Variants in TMEM232 observed in about 807,000 individuals in gnomAD.
TMEM232 encodes the protein transmembrane protein 232.
Under a neutral mutation model 78.8 loss-of-function variants are expected in TMEM232, and 80 were observed. The observed-to-expected ratio is 1.01, with a 90% CI of 0.85 to 1.22. The LOEUF is 1.22. Ranked by LOEUF, TMEM232 falls within the 50% of genes most tolerant of loss-of-function variation. TMEM232 has a pLI of 0.00. For missense variants in TMEM232, 881 were observed against 742.2 expected (o/e 1.19, Z -2.17); for synonymous variants, 297 against 254.3 (o/e 1.17, Z -1.60).
intron 2 of TMEM232, among the ~76,000 whole-genome samples, chr5:110,646,451 G>A (rs1263742359): frequency 1.3e-5 from 2 of 151,630 alleles, no homozygotes; most frequent in African/African-American, 2.4e-5. Context: ...CTTTGACATG[G>A]GTTGAAAGAA....
intron 12 of TMEM232, among the ~76,000 whole-genome samples, chr5:110,467,261 C>CTTTTCT (rs1039106953): frequency 1.3e-5 from 2 of 152,122 alleles, no homozygotes; most frequent in Admixed American, 1.3e-4. Context: ...CCCTAGGATA[C>CTTTTCT]TTTTCTCCAT....
At chr5:110,590,618 CA>C (rs1312695381) in intron 10 of TMEM232, among the ~76,000 whole-genome samples, 5 of 151,862 alleles carry the variant, frequency 3.3e-5, no homozygotes, top group African/African-American at 9.7e-5. Context: ...TCTCTGGTGC[CA>C]AAAAAGTTGG....
chr5:110,607,852 A>G (rs919058927), intron 8 of TMEM232, among the ~76,000 whole-genome samples: 1 of 151,924 alleles, frequency 6.6e-6, no homozygotes, highest in Non-Finnish European at 1.5e-5. Context: ...ATTCCATGAT[A>G]CCATAAGGCA....
intron 1 of TMEM232, among the ~76,000 whole-genome samples, chr5:110,669,494 C>T (rs548887420): frequency 3.8e-4 from 58 of 152,076 alleles, no homozygotes; most frequent in Non-Finnish European, 4.9e-4. Flanking sequence ...ATTAATAGCT[C>T]ACCAACCAAA....
intron 2 of TMEM232, among the ~76,000 whole-genome samples, chr5:110,733,403 T>G (rs571945587): frequency 1.3e-5 from 2 of 152,172 alleles, no homozygotes; most frequent in African/African-American, 4.8e-5. Flanking sequence ...GGTATGTTCA[T>G]TGCACCACTA....
At chr5:110,717,601 GCT>G (rs748493639) in intron 1 of TMEM232, among the ~76,000 whole-genome samples, 102 of 152,170 alleles carry the variant, frequency 6.7e-4, no homozygotes, top group Non-Finnish European at 1.2e-3. Flanking sequence ...ATATGATTTG[GCT>G]CTGTCCCCAC....
intron 12 of TMEM232, among the ~76,000 whole-genome samples, chr5:110,453,284 G>A (rs80273289): frequency 0.014 from 2,167 of 151,976 alleles, 54 homozygotes; most frequent in African/African-American, 0.049. Context: ...AATTTCTACC[G>A]CATACTTTTT....
At chr5:110,515,330 T>C (rs942489297) in intron 12 of TMEM232, among the ~76,000 whole-genome samples, 1 of 152,194 alleles carries the variant, frequency 6.6e-6, no homozygotes, top group Non-Finnish European at 1.5e-5. Flanking sequence ...TAAACCCAAC[T>C]TCCCAATGAT....
chr5:110,538,844 C>G (rs1772737478), intron 11 of TMEM232, among the ~76,000 whole-genome samples: 1 of 151,770 alleles, frequency 6.6e-6, no homozygotes, highest in Non-Finnish European at 1.5e-5. Context: ...AAGCAAATTA[C>G]TCTGTTTTCA....
chr5:110,649,929 G>A (rs561702979), intron 2 of TMEM232, among the ~76,000 whole-genome samples: 6 of 152,140 alleles, frequency 3.9e-5, no homozygotes, highest in Admixed American at 3.3e-4. Context: ...AACTTCAGTA[G>A]TTTATTATGC....
intron 11 of TMEM232, among the ~76,000 whole-genome samples, chr5:110,545,182 T>C (rs1476264384): frequency 1.3e-5 from 2 of 152,026 alleles, no homozygotes; most frequent in African/African-American, 4.8e-5. Context: ...AAGCATGAAA[T>C]AGTAGAAATA....
intron 12 of TMEM232, among the ~76,000 whole-genome samples, chr5:110,493,362 G>A (rs77781495): frequency 0.019 from 2,881 of 149,680 alleles, 89 homozygotes; most frequent in African/African-American, 0.068. Flanking sequence ...AAGATTACAC[G>A]GGTCAATAGC....
intron 2 of TMEM232, among the ~76,000 whole-genome samples, chr5:110,645,964 T>A (rs1424950687): frequency 1.3e-5 from 2 of 151,494 alleles, no homozygotes; most frequent in Admixed American, 6.6e-5. Flanking sequence ...CTATTTATAA[T>A]AGCAACAAAA....
intron 12 of TMEM232, among the ~76,000 whole-genome samples, chr5:110,463,031 G>A (rs1254575422): frequency 6.6e-6 from 1 of 152,134 alleles, no homozygotes; most frequent in African/African-American, 2.4e-5. Context: ...AGCTGATAAA[G>A]CTGTATCAGG....
chr5:110,423,228 A>G (rs1422401250), intron 13 of TMEM232, among the ~76,000 whole-genome samples: 5 of 152,200 alleles, frequency 3.3e-5, no homozygotes, highest in African/African-American at 1.2e-4. Context: ...AGTGGAAGGG[A>G]AAGTAGATTT....
At chr5:110,589,768 C>T (rs868790648) in intron 10 of TMEM232, among the ~76,000 whole-genome samples, 33 of 152,018 alleles carry the variant, frequency 2.2e-4, no homozygotes, top group African/African-American at 7.5e-4. Context: ...TCAATAAATA[C>T]ATAAAATAAA....
intron 10 of TMEM232, among the ~76,000 whole-genome samples, chr5:110,595,070 G>A (rs112600933): frequency 0.014 from 2,079 of 152,308 alleles, 46 homozygotes; most frequent in African/African-American, 0.046. Context: ...AGCTACCAGA[G>A]GAAGGAACAG....
At chr5:110,473,095 A>G (rs76942227) in intron 12 of TMEM232, among the ~76,000 whole-genome samples, 1 of 151,666 alleles carries the variant, frequency 6.6e-6, no homozygotes, top group East Asian at 1.9e-4. Flanking sequence ...TATATCAAAC[A>G]TATCAAACTA....
rs369254762 is a variant in TMEM232, at chr5:110,501,142, G to T, written c.1703+27446C>A. On this transcript the variant is annotated intron_variant, in intron 12 of 13. Coordinates refer to ENST00000455884, the MANE Select transcript of TMEM232 (RefSeq NM_001039763.4). Reference sequence around the variant, plus strand: ...ATGGCTCCAGCAAGCAAAAATGGGTGTAACAAGTGGTCCAAACACTTTTTA... The same window carrying T: ...ATGGCTCCAGCAAGCAAAAATGGGTTTAACAAGTGGTCCAAACACTTTTTA... 1.2e-4 allele frequency among the ~76,000 whole-genome samples: 19 copies of T among 152,254 alleles called. 1 individual carries two copies. In the South Asian group the frequency reaches 2.7e-3, roughly 22 times the overall value.
Sources: allele counts gnomAD v4.1 joint callset (sites outside exome capture counted in the v4.1 genomes callset), GRCh38; gene constraint gnomAD v4.1.1; transcripts MANE v1.5; gene names NCBI Gene and HGNC (gene_info 2026-07-23, HGNC 2026-07-21).